Variants in NR3C1 observed in about 807,000 individuals in gnomAD.
NR3C1 encodes glucocorticoid receptor.
Under a neutral mutation model 74.0 loss-of-function variants are expected in NR3C1, and 14 were observed. The ratio of observed to expected loss-of-function variants is 0.19; its 90% CI spans 0.12 to 0.30. NR3C1 has a LOEUF of 0.30. Among genes scored for constraint, NR3C1 ranks in the 10% least tolerant of loss-of-function variants. The pLI, the probability that NR3C1 is intolerant of heterozygous loss-of-function variation, is 1.00. For synonymous variants in NR3C1, 308 were observed against 332.5 expected, an observed-to-expected ratio of 0.93 and a Z score of 0.80; for missense variants, 695 against 909.8, an observed-to-expected ratio of 0.76 and a Z score of 3.04.
At chr5:143,434,766 C>G (rs567309959) in exon 1 of NR3C1, 56 of 985,308 alleles carry the variant, frequency 5.7e-5, no homozygotes, top group Non-Finnish European at 6.5e-5. Context: ...AGAAGCTGGC[C>G]CCTTTCCTGG....
intron 2 of NR3C1, among the ~76,000 whole-genome samples, chr5:143,397,137 T>C (rs778775287): frequency 6.6e-5 from 10 of 151,862 alleles, no homozygotes; most frequent in Non-Finnish European, 1.2e-4. Flanking sequence ...AAGGAAGGAA[T>C]TGCCTCTTCC....
At chr5:143,430,662 G>A (rs937735550) in intron 1 of NR3C1, among the ~76,000 whole-genome samples, 67 of 152,138 alleles carry the variant, frequency 4.4e-4, no homozygotes, top group African/African-American at 1.5e-3. Flanking sequence ...AGAAGACAGC[G>A]GGCTATGAAC....
intron 2 of NR3C1, among the ~76,000 whole-genome samples, chr5:143,314,716 A>G (rs1411947636): frequency 6.6e-6 from 1 of 152,174 alleles, no homozygotes; most frequent in Non-Finnish European, 1.5e-5. Context: ...GTTTCCTACT[A>G]GAGTCAAAAT....
chr5:143,313,575 A>G lies in NR3C1; in HGVS notation c.1351+427T>C, dbSNP rs1467030511. 5.9e-5 allele frequency among the ~76,000 whole-genome samples: 9 copies of G among 152,126 alleles called. No individual in the cohort carries two copies. In the South Asian group the frequency reaches 1.0e-3, roughly 18 times the overall value. ...AAAAAATGAATAAGAAATGAAATGA[A>G]TATCTTTTTTTTTTCCTGTCACAGT... On this transcript the variant is annotated intron_variant, in intron 3 of 8. Transcript: ENST00000394464.
rs749510638 is a variant in NR3C1 at position 143,400,325 on chromosome 5, C to T, written c.515G>A (p.Gly172Asp). 4 of 1,612,908 alleles carry T rather than the reference C, an allele frequency of 2.5e-6. No individual in the cohort carries two copies. Among genetic ancestry groups the T allele is most frequent in the Non-Finnish European group, 2.5e-6 (3 of 1,179,238 alleles). The change falls in exon 2 of 9, where the codon GGC becomes GAC. Residue 172 changes from glycine (G) to aspartate (D), a missense_variant. Physicochemically the swap from Gly to Asp is moderately conservative, Grantham distance 94. Transcript: ENST00000394464. ...DVSSEQQHLK[G>D]QTGTNGGNVK... The stretch of plus-strand genomic sequence containing the variant: ...ATTGCCACCGTTGGTGCCAGTCTGG[C>T]CCTTCAAATGTTGCTGTTCTGAAGA...
Position 143,300,507 on chromosome 5 carries a change from C to A in NR3C1, c.1725G>T (p.Val575=), listed in dbSNP as rs953108060. The A allele has an allele frequency of 5.1e-5, 82 of 1,614,052 alleles. No homozygotes were observed. The highest frequency in any genetic ancestry group is 6.7e-5 in the Admixed American group (4 of 59,996). Residue 575 remains valine (V), a synonymous_variant, in exon 5 of 9, where the codon GTG becomes GTT. Transcript: ENST00000394464. The surrounding 1 kb of genome is among the most constrained non-coding windows in gnomAD (Gnocchi z 5.2). ...TACCTGGTATTGCCTTTGCCCATTT[C>A]ACTGCTGCAATCACTTGCCGCCCTC... The part of the protein sequence containing the change: ...MLGGRQVIAA[V]KWAKAIPGFR...
At chr5:143,390,056 C>G in intron 2 of NR3C1, 1 of 269,168 alleles carries the variant, frequency 3.7e-6, no homozygotes, top group Non-Finnish European at 5.7e-6. Flanking sequence ...TCGGCACTAA[C>G]AGAATAGTTA....
chr5:143,287,399 G>A (rs939265559), intron 7 of NR3C1, among the ~76,000 whole-genome samples: 3 of 152,056 alleles, frequency 2.0e-5, no homozygotes, highest in African/African-American at 7.2e-5. Context: ...ACAACTTTAT[G>A]CCCAAGTTAG....
intron 2 of NR3C1, among the ~76,000 whole-genome samples, chr5:143,384,305 A>G (rs1053440733): frequency 6.6e-5 from 10 of 152,180 alleles, no homozygotes; most frequent in African/African-American, 1.9e-4. Flanking sequence ...CAGCCAAGCC[A>G]TATTATTCTG....
chr5:143,399,072 T>C (rs1258444609), intron 2 of NR3C1, among the ~76,000 whole-genome samples: 1 of 152,230 alleles, frequency 6.6e-6, no homozygotes, highest in Non-Finnish European at 1.5e-5. Context: ...CTGTGTCTAA[T>C]ACTATGGTCT....
chr5:143,405,027 C>T (rs992444472), upstream of NR3C1: 26 of 708,232 alleles, frequency 3.7e-5, no homozygotes, highest in Non-Finnish European at 4.3e-5. Context: ...ACTCGTGGTC[C>T]GTCCTGAGAA....
At chr5:143,299,343 TAAAA>T (rs374503509) in intron 5 of NR3C1, among the ~76,000 whole-genome samples, 20,096 of 127,266 alleles carry the variant, frequency 0.16, 1,446 homozygotes, top group Non-Finnish European at 0.17. Flanking sequence ...GCTTTTAATG[TAAAA>T]AAAAAAAAAA....
At chr5:143,404,223 G>T (rs1840889057), upstream of NR3C1, 15 of 985,228 alleles carry the variant, frequency 1.5e-5, no homozygotes, top group South Asian at 6.6e-4. Context: ...GCCGGGCCGA[G>T]TTGCGTGAAG....
At chr5:143,335,187 G>GCT (rs1561597447) in intron 2 of NR3C1, among the ~76,000 whole-genome samples, 2 of 152,172 alleles carry the variant, frequency 1.3e-5, no homozygotes, top group Non-Finnish European at 1.5e-5. Context: ...AGTGGTACAT[G>GCT]CCGAGGCCCT....
At position 143,402,285 on chromosome 5, in the gene NR3C1, G is replaced by T. The variant is rs9324922; in HGVS notation, c.-14+926C>A. On this transcript the variant is annotated intron_variant, in intron 1 of 8. Coordinates refer to ENST00000394464, the MANE Select transcript of NR3C1 (RefSeq NM_000176.3). ...AAACAATATTTCCTAAAACGAAAACGCTCCCTCAAGCGACATTATCCCCCA... is the reference window on the plus strand; with the variant it reads ...AAACAATATTTCCTAAAACGAAAACTCTCCCTCAAGCGACATTATCCCCCA... Among the ~76,000 whole-genome samples, 656 of 152,144 alleles carry T rather than the reference G, an allele frequency of 4.3e-3. 2 individuals are homozygous for T. Among genetic ancestry groups the T allele is most frequent in the African/African-American group, 0.015 (626 of 41,508 alleles).
upstream of NR3C1, chr5:143,403,790 G>A (rs1462351328): frequency 6.1e-6 from 6 of 981,050 alleles, no homozygotes; most frequent in Non-Finnish European, 6.0e-6. Context: ...GCAACCTGTT[G>A]GTGACGCTTG....
chr5:143,425,825 A>C (rs1751499659), intron 1 of NR3C1, among the ~76,000 whole-genome samples: 1 of 152,218 alleles, frequency 6.6e-6, no homozygotes, highest in African/African-American at 2.4e-5. Context: ...CAGTTTTCTC[A>C]AAAAGGTAAA....
chr5:143,433,709 G>A (rs1253028826), intron 1 of NR3C1: 2 of 152,034 alleles, frequency 1.3e-5, no homozygotes, highest in Non-Finnish European at 2.9e-5. Flanking sequence ...CCCTCCATCT[G>A]AGGCCTTACC....
chr5:143,281,239 A>ATGTT lies in NR3C1; in HGVS notation c.*646_*649dup, dbSNP rs1813042354. 6.6e-6 allele frequency: 1 copy of ATGTT among 151,744 alleles called. No homozygotes were observed. Among genetic ancestry groups the ATGTT allele is most frequent in the East Asian group, 1.9e-4 (1 of 5,182 alleles). 9.4% of individuals were successfully genotyped at this position (151,744 alleles called of 1,614,324 possible). Reference sequence around the variant, plus strand: ...CCATTTTCACACAGATGATTGATTAATGTTTAGAGTTTATTTGGGAAAGCT... The same window carrying ATGTT: ...CCATTTTCACACAGATGATTGATTAATGTTTGTTTAGAGTTTATTTGGGAAAGCT... On this transcript the variant is annotated 3_prime_UTR_variant, in exon 9 of 9. Coordinates refer to ENST00000394464, the MANE Select transcript of NR3C1 (RefSeq NM_000176.3).
Sources: allele counts gnomAD v4.1 joint callset (sites outside exome capture counted in the v4.1 genomes callset), GRCh38; gene constraint gnomAD v4.1.1; non-coding constraint Gnocchi (gnomAD v3.1); transcripts MANE v1.5; gene names NCBI Gene and HGNC (gene_info 2026-07-23, HGNC 2026-07-21).